AK9: variants seen among roughly 807,000 people sequenced by gnomAD.
AK9 encodes the protein adenylate kinase 9, also known as adenylate kinase domain containing 1.
Under a neutral mutation model 239.6 loss-of-function variants are expected in AK9, and 191 were observed. The ratio of observed to expected loss-of-function variants is 0.80; its 90% confidence interval spans 0.71 to 0.90. The LOEUF (loss-of-function observed/expected upper bound fraction) is 0.90. AK9 is among the 40% of genes least tolerant of loss of function. AK9 has a pLI of 0.00. For missense variants in AK9, 1,995 were observed against 2,214.7 expected, an observed-to-expected ratio of 0.90 and a Z score of 1.99; for synonymous variants, 689 against 721.0, an observed-to-expected ratio of 0.96 and a Z score of 0.71.
In AK9 at chr6:109,550,123, A is replaced by C; in HGVS notation, c.2931T>G (p.Pro977=). 1 of 1,614,024 alleles carries C rather than the reference A, an allele frequency of 6.2e-7. No homozygotes were observed. Among genetic ancestry groups the C allele is most frequent in the South Asian group, 1.1e-5 (1 of 91,088 alleles). ...AEAKEKFLEH[P]EDYVAHEEPL... Reference sequence around the variant, plus strand: ...GTTCTTCATGAGCCACATAATCCTCAGGATGCTCCAAAAACTTTTCTTTAG... The same window carrying C: ...GTTCTTCATGAGCCACATAATCCTCCGGATGCTCCAAAAACTTTTCTTTAG... Residue 977 remains proline (P), a synonymous_variant, in exon 25 of 41, where the codon CCT becomes CCG. Transcript: ENST00000424296.
At chr6:109,596,818 C>G (rs1791098450) in intron 17 of AK9, among the ~76,000 whole-genome samples, 1 of 152,142 alleles carries the variant, frequency 6.6e-6, no homozygotes. Context: ...GTGCAGGTAT[C>G]TTTTTGATAT....
chr6:109,557,601 G>A (rs1785162763), intron 24 of AK9, among the ~76,000 whole-genome samples: 1 of 152,184 alleles, frequency 6.6e-6, no homozygotes, highest in South Asian at 2.1e-4. Flanking sequence ...GAGAGGCTAA[G>A]TCTGCTGGTT....
At chr6:109,556,737 G>T (rs9386814) in intron 24 of AK9, among the ~76,000 whole-genome samples, 107,811 of 151,280 alleles carry the variant, frequency 0.71, 38,881 homozygotes, top group East Asian at 0.99. Context: ...GTTGTCTGCA[G>T]GTCTTATTTC....
intron 29 of AK9, among the ~76,000 whole-genome samples, chr6:109,522,657 AATG>A (rs1407336873): frequency 6.6e-6 from 1 of 152,082 alleles, no homozygotes; most frequent in African/African-American, 2.4e-5. Flanking sequence ...TTTAATATTT[AATG>A]ATGTTTCCTG....
At chr6:109,530,066 C>T (rs767369693) in intron 28 of AK9, among the ~76,000 whole-genome samples, 63 of 152,200 alleles carry the variant, frequency 4.1e-4, no homozygotes, top group Non-Finnish European at 8.2e-4. Flanking sequence ...AGTCCTCCAA[C>T]CTTCCCAGAA....
intron 12 of AK9, among the ~76,000 whole-genome samples, chr6:109,622,196 C>T (rs1794946461): frequency 7.0e-6 from 1 of 142,906 alleles, no homozygotes; most frequent in African/African-American, 2.5e-5. Flanking sequence ...ATATAATATA[C>T]ATATTGTATA....
chr6:109,612,645 G>T (rs376903687), intron 15 of AK9, among the ~76,000 whole-genome samples: 1 of 151,982 alleles, frequency 6.6e-6, no homozygotes, highest in East Asian at 1.9e-4. Context: ...GGGTGGGGTC[G>T]TTCTGTGAAG....
chr6:109,563,555 T>C, intron 24 of AK9, 42 bp downstream of exon 24: 2 of 1,542,290 alleles, frequency 1.3e-6, no homozygotes, highest in South Asian at 1.2e-5. Flanking sequence ...ATATTTTCAA[T>C]GACTTCACAA....
intron 29 of AK9, among the ~76,000 whole-genome samples, chr6:109,518,864 A>C (rs1033398732): frequency 6.6e-6 from 1 of 152,000 alleles, no homozygotes; most frequent in African/African-American, 2.4e-5. Flanking sequence ...GCTTGTTACA[A>C]GGGTATATTG....
chr6:109,671,467 A>G (rs754027464), intron 5 of AK9, among the ~76,000 whole-genome samples: 4 of 152,236 alleles, frequency 2.6e-5, no homozygotes, highest in Admixed American at 2.6e-4. Context: ...GTCAGAGGGC[A>G]GACTGGAAGA....
chr6:109,528,607 CTGCAGTTGCAGT>C (rs148271752), intron 29 of AK9: 3 of 459,000 alleles, frequency 6.5e-6, no homozygotes, highest in Admixed American at 2.3e-5. Flanking sequence ...TGCTTTGTGC[CTGCAGTTGCAGT>C]TGCAGTTGCA....
intron 40 of AK9, among the ~76,000 whole-genome samples, 154 bp from the exon 41 acceptor site, chr6:109,493,725 T>G (rs745774625): frequency 6.6e-6 from 1 of 152,220 alleles, no homozygotes; most frequent in Non-Finnish European, 1.5e-5. Context: ...CTGTTTTAGG[T>G]CATAATTGCC....
At chr6:109,533,965 C>T (rs2128136383) in intron 27 of AK9, among the ~76,000 whole-genome samples, 1 of 152,024 alleles carries the variant, frequency 6.6e-6, no homozygotes, top group East Asian at 1.9e-4. Context: ...CCTGGCCAGC[C>T]CAATTGTAGT....
In AK9 at chr6:109,612,071, T is replaced by C. The variant is rs1457028894; in HGVS notation, c.1632A>G (p.Thr544=). The C allele has an allele frequency of 1.3e-6, 2 of 1,540,984 alleles. No individual in the cohort carries two copies. The highest frequency in any genetic ancestry group is 2.4e-5 in the South Asian group (2 of 81,706). Residue 544 remains threonine, a synonymous_variant, in exon 16 of 41, where the codon ACA becomes ACG. Transcript: ENST00000424296. ...CTTGAGAATGCCTTTTAAATGTGAA[T>C]GTTTCACCAGTTTCTTTTCCATCTG... The part of the protein sequence containing the change: ...DKDDGKETGE[T]FTFKRHSQDA...
At chr6:109,523,500 G>A (rs1780091727) in intron 29 of AK9, among the ~76,000 whole-genome samples, 1 of 152,134 alleles carries the variant, frequency 6.6e-6, no homozygotes, top group Non-Finnish European at 1.5e-5. Flanking sequence ...TGAGGTCTTT[G>A]GAGCAAGAAA....
At chr6:109,601,681 T>TTAAA (rs1791994619) in intron 17 of AK9, among the ~76,000 whole-genome samples, 1 of 152,192 alleles carries the variant, frequency 6.6e-6, no homozygotes, top group South Asian at 2.1e-4. Flanking sequence ...TAGTGGGGTG[T>TTAAA]TAAAGTCTCT....
In AK9 at chr6:109,539,431, C is replaced by T. The variant is rs545368859; in HGVS notation, c.3350+2616G>A. Among the ~76,000 whole-genome samples the T allele has an allele frequency of 1.3e-3, 205 of 152,302 alleles. 1 individual carries two copies. Among genetic ancestry groups the T allele is most frequent in the South Asian group, 2.5e-3 (12 of 4,824 alleles). On this transcript the variant is annotated intron_variant, in intron 27 of 40. Coordinates refer to ENST00000424296, the MANE Select transcript of AK9 (RefSeq NM_001145128.3). ...GCTTGTGCATTCATCACGTAGTTCT[C>T]GTGCCATGGTTTTCAGCTTCATCAG...
chr6:109,516,290 T>C (rs1779269673), intron 30 of AK9, 140 bp downstream of exon 30: 5 of 896,932 alleles, frequency 5.6e-6, no homozygotes, highest in Non-Finnish European at 8.3e-6. Flanking sequence ...GCATAATTGT[T>C]AAATGATACC....
At position 109,499,227 on chromosome 6, in the gene AK9, G is replaced by T; in HGVS notation, c.4863C>A (p.Cys1621Ter). 6.6e-7 allele frequency: 1 copy of T among 1,517,504 alleles called. No individual in the cohort carries two copies. The highest frequency in any genetic ancestry group is 8.9e-7 in the Non-Finnish European group (1 of 1,128,576). The allele number at this position is 1,517,504 out of a possible 1,614,324, so 94.0% of individuals were successfully genotyped here. A position where few individuals can be genotyped will look rare whatever the true frequency, so the allele number is the denominator to read the frequency against. Residue 1621 changes from cysteine to a stop codon, truncating the protein, a stop_gained, in exon 36 of 41, where the codon TGC becomes TGA. Transcript: ENST00000424296. LOFTEE classifies it high-confidence loss of function. Reference sequence around the variant, plus strand: ...GAGGTGTGATACATAACTTGTCAATGCAGGCAGCTTTTCCTATTATTAACA... The same window carrying T: ...GAGGTGTGATACATAACTTGTCAATTCAGGCAGCTTTTCCTATTATTAACA... The part of the protein sequence containing the change: ...LERIKAGKAA[C>*]IDKLCITPQE...
Sources: gnomAD v4.1 joint callset for allele counts (sites outside exome capture counted in the v4.1 genomes callset) on GRCh38, gnomAD v4.1.1 for gene constraint, MANE v1.5 for transcripts, NCBI Gene and HGNC (gene_info 2026-07-23, HGNC 2026-07-21) for gene names.